Variants in SPINK2 observed in about 807,000 individuals in gnomAD.
The protein encoded by SPINK2 is serine peptidase inhibitor Kazal type 2, also known as serine protease inhibitor Kazal-type 2.
In SPINK2, 8 loss-of-function variants were observed where a neutral mutation model predicts 13.5. The ratio of observed to expected loss-of-function variants is 0.59; its 90% CI spans 0.35 to 1.07. The LOEUF is 1.07. Ranked by LOEUF, SPINK2 falls within the 50% of genes least tolerant of loss-of-function variation. The pLI, the probability that SPINK2 is intolerant of heterozygous loss-of-function variation, is 0.02. For synonymous variants in SPINK2, 76 were observed against 74.7 expected (o/e 1.02, Z -0.09); for missense variants, 148 against 180.3 (o/e 0.82, Z 1.03).
chr4:56,821,367 T>G, intron 1 of SPINK2, 91 bp downstream of exon 1: 3 of 1,415,036 alleles, frequency 2.1e-6, no homozygotes, highest in Non-Finnish European at 2.8e-6. Flanking sequence ...GCAGGTGTCC[T>G]TAGAGCTGGG....
Position 56,821,496 on chromosome 4 carries a change from C to G in SPINK2, c.167G>C (p.Arg56Pro). ...PAPGGLGDGT[R>P]APVTGGSPED... The stretch of plus-strand genomic sequence containing the variant: ...TGGGGAACCGCCAGTAACGGGCGCG[C>G]GGGTACCGTCGCCGAGGCCGCCCGG... The change falls in exon 1 of 4, where the codon CGC (arginine) becomes CCC (proline). Residue 56 changes from arginine to proline, a missense_variant. Transcript: ENST00000506738. 4 of 1,537,642 alleles carry G rather than the reference C, an allele frequency of 2.6e-6. No homozygotes were observed. The highest frequency in any genetic ancestry group is 3.5e-6 in the Non-Finnish European group (4 of 1,145,326).
In SPINK2 at chr4:56,817,435, T is replaced by G. The variant is rs138270306; in HGVS notation, c.249+3101A>C. Reference sequence around the variant, plus strand: ...AGCTATCTTTTTTTGCAGCAGAAACTGACAAATTGATCTTAAAATTCAGAT... The same window carrying G: ...AGCTATCTTTTTTTGCAGCAGAAACGGACAAATTGATCTTAAAATTCAGAT... On this transcript the variant is annotated intron_variant, in intron 2 of 3. Coordinates refer to ENST00000506738, the MANE Select transcript of SPINK2 (RefSeq NM_001271718.2). 2.5e-3 allele frequency among the ~76,000 whole-genome samples: 378 copies of G among 152,204 alleles called. 1 individual carries two copies. The highest frequency in any genetic ancestry group is 8.9e-3 in the African/African-American group (368 of 41,532).
chr4:56,821,577 C>G lies in SPINK2; in HGVS notation c.86G>C (p.Gly29Ala), dbSNP rs1300851878. The change falls in exon 1 of 4, where the codon GGA (glycine) becomes GCA (alanine). Residue 29 changes from glycine (G) to alanine (A), a missense_variant. Physicochemically the swap from Gly to Ala is moderately conservative, Grantham distance 60. Transcript: ENST00000506738. ...GSARSGPGERGPPEKSGFGSQ... is the reference protein window; with the variant it reads ...GSARSGPGERAPPEKSGFGSQ... ...CCCAAACCCGCTTTTCTCCGGAGGT[C>G]CCCGCTCGCCAGGACCGCTCCGAGC... 4.5e-6 allele frequency: 7 copies of G among 1,548,074 alleles called. No individual in the cohort carries two copies. The highest frequency in any genetic ancestry group is 6.1e-6 in the Non-Finnish European group (7 of 1,146,808).
intron 2 of SPINK2, among the ~76,000 whole-genome samples, chr4:56,812,760 G>A (rs1717103301): frequency 6.6e-6 from 1 of 151,882 alleles, no homozygotes; most frequent in African/African-American, 2.4e-5. Context: ...GACAAAATCA[G>A]GAATCTAATC....
upstream of SPINK2, chr4:56,821,858 G>C: frequency 1.8e-6 from 1 of 545,630 alleles, no homozygotes. Flanking sequence ...AGGGTCGGGG[G>C]AGAACCGGAA....
upstream of SPINK2, chr4:56,821,728 G>T (rs188645115): frequency 5.4e-4 from 747 of 1,377,258 alleles, 4 homozygotes; most frequent in African/African-American, 9.8e-3. Flanking sequence ...GGGAGCGCTC[G>T]TGCGACGGGG....
rs1368228370 is a variant in SPINK2, at chr4:56,815,765, C to CACACACACACAT, written c.250-3972_250-3971insATGTGTGTGTGT. On this transcript the variant is annotated intron_variant, in intron 2 of 3. Transcript: ENST00000506738. ...TATATAGAAATTCCTAAGAAATTCA[C>CACACACACACAT]ACACACACACACACACACACACACA... Among the ~76,000 whole-genome samples the CACACACACACAT allele has an allele frequency of 9.9e-5, 12 of 120,962 alleles. No individual in the cohort carries two copies. The East Asian group carries it at 3.4e-3, about 34-fold the overall frequency. 79.4% of individuals were successfully genotyped at this position (120,962 alleles called of 152,430 possible).
At chr4:56,813,378 A>G (rs1717157777) in intron 2 of SPINK2, among the ~76,000 whole-genome samples, 1 of 152,164 alleles carries the variant, frequency 6.6e-6, no homozygotes, top group African/African-American at 2.4e-5. Flanking sequence ...ATTTTAAGCA[A>G]TTCTCTGACC....
chr4:56,813,018 G>A (rs1717125299), intron 2 of SPINK2, among the ~76,000 whole-genome samples: 1 of 152,124 alleles, frequency 6.6e-6, no homozygotes, highest in Non-Finnish European at 1.5e-5. Context: ...ATTCCTTAAT[G>A]TCATTTTAAT....
chr4:56,811,791 T>G lies in SPINK2; in HGVS notation c.253A>C (p.Asn85His). Residue 85 changes from asparagine to histidine, a missense_variant, in exon 3 of 4, where the codon AAC becomes CAC. Asn to His is a moderately conservative substitution (Grantham distance 68). Transcript: ENST00000506738. ...CCTGGTAATCTATACTGAGAGCAGT[T>G]TGGCTGGAAAAAAGAAAGAGAGAAA... ...FGLFSKYRTPNCSQYRLPGCP... is the reference protein window; with the variant it reads ...FGLFSKYRTPHCSQYRLPGCP... 6.2e-7 allele frequency: 1 copy of G among 1,602,358 alleles called. No homozygotes were observed. Among genetic ancestry groups the G allele is most frequent in the Non-Finnish European group, 8.5e-7 (1 of 1,173,270 alleles).
rs1205849248 is a variant in SPINK2, at chr4:56,809,994, G to T, written c.*145C>A. The stretch of plus-strand genomic sequence containing the variant: ...TTTAAATTATCCATCACTACACATG[G>T]CTGTCTTCCATACCTGCTCTCAGAA... On this transcript the variant is annotated 3_prime_UTR_variant, in exon 4 of 4. Transcript: ENST00000506738. The T allele has an allele frequency of 6.6e-7, 1 of 1,509,630 alleles. No individual in the cohort carries two copies. Among genetic ancestry groups the T allele is most frequent in the Non-Finnish European group, 8.8e-7 (1 of 1,135,674 alleles). 93.5% of individuals were successfully genotyped at this position (1,509,630 alleles called of 1,614,324 possible).
At chr4:56,819,801 C>G (rs13434968) in intron 2 of SPINK2, among the ~76,000 whole-genome samples, 21 of 151,878 alleles carry the variant, frequency 1.4e-4, no homozygotes, top group Admixed American at 2.6e-4. Flanking sequence ...ATTTTTAGTA[C>G]AGACGGGGTT....
intron 2 of SPINK2, chr4:56,816,649 C>T (rs1427494271): frequency 6.7e-6 from 1 of 150,236 alleles, no homozygotes; most frequent in Non-Finnish European, 1.5e-5. Flanking sequence ...AAGACTCCAT[C>T]TCAAAATAAA....
chr4:56,810,127 T>C lies in SPINK2; in HGVS notation c.*12A>G, dbSNP rs982718940. ...GGTGGTCTCTCCATCTTCTTTTCTG[T>C]AAACTGCTCCATCAGCAGGGTCCAT... is the stretch of plus-strand genomic sequence containing the variant. On this transcript the variant is annotated 3_prime_UTR_variant, in exon 4 of 4. Transcript: ENST00000506738. The C allele has an allele frequency of 6.2e-7, 1 of 1,605,190 alleles. No individual in the cohort carries two copies.
intron 2 of SPINK2, among the ~76,000 whole-genome samples, chr4:56,814,685 G>A (rs993586095): frequency 6.6e-6 from 1 of 152,046 alleles, no homozygotes; most frequent in Admixed American, 6.6e-5. Context: ...GAGGTGGCCA[G>A]GCGCGGTGGC....
In SPINK2 at chr4:56,810,039, C is replaced by G. The variant is rs1324687741; in HGVS notation, c.*100G>C. 4.6e-6 allele frequency: 7 copies of G among 1,536,646 alleles called. No homozygotes were observed. Among genetic ancestry groups the G allele is most frequent in the Non-Finnish European group, 6.1e-6 (7 of 1,144,012 alleles). On this transcript the variant is annotated 3_prime_UTR_variant, in exon 4 of 4. Coordinates refer to ENST00000506738, the MANE Select transcript of SPINK2 (RefSeq NM_001271718.2). ...TCAGAAAATGTGTGTTAACAAATCT[C>G]ATGTAAAGAAACACAGGAAAAGAGA...
rs71194126 is a variant in SPINK2 at position 56,813,919 on chromosome 4, C to CTTTTT, written c.250-2130_250-2126dup. On this transcript the variant is annotated intron_variant, in intron 2 of 3. Coordinates refer to ENST00000506738, the MANE Select transcript of SPINK2 (RefSeq NM_001271718.2). ...CAGGCATGAGCCACTGCACCTGGCC[C>CTTTTT]TTTTTTTTTTTTTTTTTTTTTTGAG... 3.9e-3 allele frequency among the ~76,000 whole-genome samples: 377 copies of CTTTTT among 97,134 alleles called. 7 individuals are homozygous for CTTTTT. Among genetic ancestry groups the CTTTTT allele is most frequent in the African/African-American group, 0.015 (360 of 23,592 alleles). 63.7% of individuals were successfully genotyped at this position (97,134 alleles called of 152,430 possible). A position where few individuals can be genotyped will look rare whatever the true frequency, so the allele number is the denominator to read the frequency against.
chr4:56,817,610 G>A (rs935802075), intron 2 of SPINK2, among the ~76,000 whole-genome samples: 11 of 131,262 alleles, frequency 8.4e-5, no homozygotes, highest in African/African-American at 2.7e-4. Flanking sequence ...CAGCACTTTG[G>A]GAGGCCGAGG....
chr4:56,811,614 C>CA (rs961354239), intron 3 of SPINK2, 71 bp downstream of exon 3: 43,376 of 799,248 alleles, frequency 0.054, 6 homozygotes, highest in South Asian at 0.069. Context: ...GAGACTCTGT[C>CA]AAAAAAAAAA....
Sources: gnomAD v4.1 joint callset for allele counts (sites outside exome capture counted in the v4.1 genomes callset) on GRCh38, gnomAD v4.1.1 for gene constraint, MANE v1.5 for transcripts, NCBI Gene and HGNC (gene_info 2026-07-23, HGNC 2026-07-21) for gene names.